GRM7: variants seen among roughly 807,000 people sequenced by gnomAD.
GRM7 encodes metabotropic glutamate receptor 7.
Under a neutral mutation model 84.5 loss-of-function variants are expected in GRM7, and 35 were observed. The ratio of observed to expected loss-of-function variants is 0.41; its 90% CI spans 0.32 to 0.55. GRM7 has a LOEUF of 0.55. Ranked by LOEUF, GRM7 falls within the 20% of genes least tolerant of loss-of-function variation. The probability of loss-of-function intolerance (pLI) is 0.19; values close to 1 mark genes in which losing one functional copy is unlikely to be tolerated. For missense variants in GRM7, 1,003 were observed against 1,194.6 expected, an observed-to-expected ratio of 0.84 and a Z score of 2.36; for synonymous variants, 487 against 455.1, an observed-to-expected ratio of 1.07 and a Z score of -0.89.
chr3:7,370,969 G>T (rs1384367818), intron 4 of GRM7, among the ~76,000 whole-genome samples: 3 of 152,102 alleles, frequency 2.0e-5, no homozygotes, highest in African/African-American at 7.2e-5. Context: ...TTTGATTTTA[G>T]GAGCCTGATT....
At chr3:7,035,543 GA>G (rs1284538006) in intron 1 of GRM7, among the ~76,000 whole-genome samples, 1 of 152,162 alleles carries the variant, frequency 6.6e-6, no homozygotes. Flanking sequence ...CAATTTGAAG[GA>G]CATACTTCCT....
At chr3:7,174,790 A>G (rs1398982527) in intron 2 of GRM7, among the ~76,000 whole-genome samples, 3 of 152,232 alleles carry the variant, frequency 2.0e-5, no homozygotes, top group Non-Finnish European at 4.4e-5. Context: ...GGGTACTGAT[A>G]AAATTCTTGG....
intron 4 of GRM7, among the ~76,000 whole-genome samples, chr3:7,349,778 A>T (rs1315778400): frequency 6.6e-6 from 1 of 152,154 alleles, no homozygotes; most frequent in Non-Finnish European, 1.5e-5. Context: ...AAGGGTATAG[A>T]TGAAATGATT....
chr3:6,962,131 T>C (rs1338778505), intron 1 of GRM7, among the ~76,000 whole-genome samples: 1 of 152,226 alleles, frequency 6.6e-6, no homozygotes, highest in Non-Finnish European at 1.5e-5. Context: ...TTTGATACCA[T>C]ATGAGCTAGA....
At chr3:7,474,045 T>C (rs1698819819) in intron 7 of GRM7, among the ~76,000 whole-genome samples, 1 of 152,196 alleles carries the variant, frequency 6.6e-6, no homozygotes, top group Non-Finnish European at 1.5e-5. Flanking sequence ...AAGGGTCAGC[T>C]TCTACAGAGT....
Position 7,146,167 on chromosome 3 carries a change from T to C in GRM7, c.520-285T>C, listed in dbSNP as rs77677154. ...TTGGTAGAATGGTCATAAATCTTTTTCTTCTAAACAACCATGACCCTGACC... is the reference window on the plus strand; with the variant it reads ...TTGGTAGAATGGTCATAAATCTTTTCCTTCTAAACAACCATGACCCTGACC... On this transcript the variant is annotated intron_variant, in intron 1 of 9. Transcript: ENST00000357716. 1.8e-4 allele frequency among the ~76,000 whole-genome samples: 27 copies of C among 152,306 alleles called. No individual in the cohort carries two copies. In the East Asian group the frequency reaches 5.2e-3, roughly 29 times the overall value.
At chr3:7,000,889 G>C (rs1230623672) in intron 1 of GRM7, among the ~76,000 whole-genome samples, 2 of 152,184 alleles carry the variant, frequency 1.3e-5, no homozygotes, top group Non-Finnish European at 2.9e-5. Context: ...ATGGGACAGA[G>C]ATGTGAATGA....
chr3:7,700,641 G>A (rs1701193708), intron 9 of GRM7, among the ~76,000 whole-genome samples: 1 of 152,098 alleles, frequency 6.6e-6, no homozygotes, highest in African/African-American at 2.4e-5. Context: ...TGTAATTTCT[G>A]ATTAAACACA....
At chr3:7,550,463 C>T (rs1693398955) in intron 7 of GRM7, among the ~76,000 whole-genome samples, 1 of 136,114 alleles carries the variant, frequency 7.3e-6, no homozygotes, top group Admixed American at 7.5e-5. Context: ...CCTTTCTCTC[C>T]CTCTCTCCTT....
chr3:6,907,821 A>C (rs1575000022), intron 1 of GRM7, among the ~76,000 whole-genome samples: 2 of 152,270 alleles, frequency 1.3e-5, no homozygotes, highest in East Asian at 3.9e-4. Context: ...TCTTCATTCA[A>C]CCTTCTTCAG....
intron 1 of GRM7, among the ~76,000 whole-genome samples, chr3:7,039,818 C>G (rs1340841034): frequency 6.6e-6 from 1 of 152,006 alleles, no homozygotes; most frequent in Non-Finnish European, 1.5e-5. Context: ...CTATGTGGCT[C>G]TTGTGAATGG....
chr3:7,409,693 T>C (rs886688262), intron 4 of GRM7, among the ~76,000 whole-genome samples: 4 of 152,080 alleles, frequency 2.6e-5, no homozygotes, highest in South Asian at 2.1e-4. Flanking sequence ...CTCTGCCTCC[T>C]GGGTTCAAGC....
intron 1 of GRM7, among the ~76,000 whole-genome samples, chr3:6,881,042 A>T (rs1695489361): frequency 6.6e-6 from 1 of 152,182 alleles, no homozygotes; most frequent in Non-Finnish European, 1.5e-5. Context: ...TTTCAATTAT[A>T]TGCCTGTACA....
At chr3:7,689,047 G>T (rs1198040935) in intron 9 of GRM7, among the ~76,000 whole-genome samples, 2 of 152,140 alleles carry the variant, frequency 1.3e-5, no homozygotes, top group Non-Finnish European at 2.9e-5. Context: ...ATGTCGAAAT[G>T]CAATTAGGTA....
intron 4 of GRM7, among the ~76,000 whole-genome samples, chr3:7,358,980 G>A (rs907612394): frequency 7.9e-6 from 1 of 127,058 alleles, no homozygotes; most frequent in African/African-American, 3.3e-5. Flanking sequence ...TTACCTGGGC[G>A]AGGTGGCACA....
chr3:7,387,978 A>G (rs1298615338), intron 4 of GRM7, among the ~76,000 whole-genome samples: 3 of 151,952 alleles, frequency 2.0e-5, no homozygotes, highest in African/African-American at 7.2e-5. Context: ...GCAGTGTTTT[A>G]TAGTTTTCCT....
chr3:7,306,367 T>C, intron 3 of GRM7, 131 bp from the exon 4 acceptor site: 2 of 718,746 alleles, frequency 2.8e-6, no homozygotes, highest in Non-Finnish European at 4.8e-6. Flanking sequence ...ATATAAATTC[T>C]TTATCAAGTT....
chr3:7,578,923 C>A lies in GRM7; in HGVS notation c.2017C>A (p.Leu673Ile). The change falls in exon 8 of 10, where the codon CTC (leucine) becomes ATC (isoleucine). Residue 673 changes from leucine to isoleucine, a missense_variant. By Grantham distance (5) the Leu-to-Ile change is conservative. This residue lies in a region of GRM7 where 910 missense variants were observed against 1,126.0 expected (regional missense o/e 0.81). Coordinates refer to ENST00000357716, the MANE Select transcript of GRM7 (RefSeq NM_000844.4). ...GGGTATGTGCATCAGTTATGCAGCC[C>A]TCTTGACGAAAACAAATCGGATTTA... ...GLGMCISYAA[L>I]LTKTNRIYRI... is the part of the protein sequence containing the mutation. The A allele has an allele frequency of 6.2e-7, 1 of 1,614,062 alleles. No individual in the cohort carries two copies. The highest frequency in any genetic ancestry group is 8.5e-7 in the Non-Finnish European group (1 of 1,180,020).
intron 1 of GRM7, among the ~76,000 whole-genome samples, chr3:7,095,376 C>T (rs533047077): frequency 2.0e-5 from 3 of 152,204 alleles, no homozygotes; most frequent in African/African-American, 7.2e-5. Context: ...TTTGGAATGA[C>T]TCAGTGAGCA....
Sources: allele counts gnomAD v4.1 joint callset (sites outside exome capture counted in the v4.1 genomes callset), GRCh38; gene constraint gnomAD v4.1.1; regional missense constraint gnomAD v4.1.1; transcripts MANE v1.5; gene names NCBI Gene and HGNC (gene_info 2026-07-23, HGNC 2026-07-21).